CDH22: variants seen among roughly 807,000 people sequenced by gnomAD.
CDH22 encodes the protein cadherin 22.
In CDH22, 30 loss-of-function variants were observed where a neutral mutation model predicts 58.4. The observed-to-expected ratio is 0.51, with a 90% confidence interval of 0.38 to 0.70. CDH22 has a LOEUF of 0.70. Ranked by LOEUF, CDH22 falls within the 30% of genes least tolerant of loss-of-function variation. CDH22 has a pLI of 0.00. For synonymous variants in CDH22, 513 were observed against 558.2 expected (o/e 0.92, Z 1.14); for missense variants, 1,014 against 1,233.9 (o/e 0.82, Z 2.67).
chr20:46,236,866 C>T (rs1012759134), intron 3 of CDH22, among the ~76,000 whole-genome samples: 3 of 151,692 alleles, frequency 2.0e-5, no homozygotes, highest in South Asian at 2.1e-4. Context: ...TAATTTTTTT[C>T]GTATTTTAGT....
intron 1 of CDH22, among the ~76,000 whole-genome samples, chr20:46,294,127 G>T (rs2145779450): frequency 6.6e-6 from 1 of 152,266 alleles, no homozygotes; most frequent in Non-Finnish European, 1.5e-5. Context: ...CCTTAAAAGG[G>T]GGCAGCTTTA....
rs1307652497 is a variant in CDH22 at position 46,178,213 on chromosome 20, G to A, written c.1664-16C>T. 1 of 1,604,222 alleles carries A rather than the reference G, an allele frequency of 6.2e-7. No homozygotes were observed. The highest frequency in any genetic ancestry group is 8.5e-7 in the Non-Finnish European group (1 of 1,172,646). On this transcript the variant is annotated splice_polypyrimidine_tract_variant and intron_variant, in intron 10 of 11. Coordinates refer to ENST00000537909, the MANE Select transcript of CDH22 (RefSeq NM_021248.3). The stretch of plus-strand genomic sequence containing the variant: ...GCGGTGTTGTCTGTTCCGGAAGAAG[G>A]GGGAGCGGTGTGACTTGGGGCCGGG...
At chr20:46,207,949 T>C (rs1490498670) in intron 7 of CDH22, among the ~76,000 whole-genome samples, 1 of 152,230 alleles carries the variant, frequency 6.6e-6, no homozygotes, top group Non-Finnish European at 1.5e-5. Flanking sequence ...CACTTAGGGC[T>C]GCCATGTAAG....
At chr20:46,214,324 C>T (rs1296548731) in intron 5 of CDH22, among the ~76,000 whole-genome samples, 2 of 152,280 alleles carry the variant, frequency 1.3e-5, no homozygotes, top group Non-Finnish European at 2.9e-5. Context: ...CTAGCTGAAG[C>T]AGGGTCTGTG....
intron 1 of CDH22, among the ~76,000 whole-genome samples, chr20:46,260,776 C>G (rs978011250): frequency 5.9e-5 from 9 of 152,240 alleles, no homozygotes; most frequent in African/African-American, 2.2e-4. Flanking sequence ...AGCTTGGTGG[C>G]TCCAGGCTCT....
rs2085719317 is a variant in CDH22 at position 46,174,440 on chromosome 20, G to T, written c.*66C>A. 1 of 1,155,956 alleles carries T rather than the reference G, an allele frequency of 8.7e-7. No individual in the cohort carries two copies. The highest frequency in any genetic ancestry group is 1.2e-6 in the Non-Finnish European group (1 of 867,476). 71.6% of individuals were successfully genotyped at this position (1,155,956 alleles called of 1,614,324 possible). A position where few individuals can be genotyped will look rare whatever the true frequency, so the allele number is the denominator to read the frequency against. ...GAAAGGGGGTCCGCGGGGGAAACGC[G>T]TTGTCCTGGGGCCCCGGCGTGTGCT... On this transcript the variant is annotated 3_prime_UTR_variant, in exon 12 of 12. Transcript: ENST00000537909. The surrounding 1 kb of genome is among the most constrained non-coding windows in gnomAD (Gnocchi z 4.4).
intron 4 of CDH22, among the ~76,000 whole-genome samples, chr20:46,219,010 C>A (rs986901857): frequency 1.3e-5 from 2 of 152,156 alleles, no homozygotes; most frequent in Non-Finnish European, 2.9e-5. Context: ...CCAACAGTCC[C>A]CAGACTCCCA....
chr20:46,209,981 C>T, intron 7 of CDH22: 1 of 281,978 alleles, frequency 3.5e-6, no homozygotes, highest in Non-Finnish European at 6.6e-6. Flanking sequence ...GTCGAGAGAT[C>T]AGGGAGCCAG....
At chr20:46,282,645 G>A (rs1158072044) in intron 1 of CDH22, among the ~76,000 whole-genome samples, 1 of 152,284 alleles carries the variant, frequency 6.6e-6, no homozygotes, top group East Asian at 1.9e-4. Flanking sequence ...TGTTTGGCAG[G>A]TGTATGAATT....
At chr20:46,194,594 G>A (rs1294822577) in intron 8 of CDH22, among the ~76,000 whole-genome samples, 1 of 152,212 alleles carries the variant, frequency 6.6e-6, no homozygotes, top group East Asian at 1.9e-4. Flanking sequence ...CCTACTGTGT[G>A]TCAGGCACAC....
chr20:46,304,379 C>T (rs2086665491), intron 1 of CDH22, among the ~76,000 whole-genome samples: 1 of 152,248 alleles, frequency 6.6e-6, no homozygotes, highest in Admixed American at 6.5e-5. Context: ...CACATTTGAT[C>T]TTCACAACCC....
At chr20:46,178,745 G>T (rs1236585157) in intron 10 of CDH22, among the ~76,000 whole-genome samples, 1 of 152,080 alleles carries the variant, frequency 6.6e-6, no homozygotes, top group African/African-American at 2.4e-5. Flanking sequence ...AGAAGGGACT[G>T]GGAACTCTGG....
intron 1 of CDH22, among the ~76,000 whole-genome samples, chr20:46,279,868 C>T (rs1467278044): frequency 2.0e-5 from 3 of 152,218 alleles, no homozygotes; most frequent in South Asian, 2.1e-4. Flanking sequence ...TCAAATTATA[C>T]GTGCAGAGAG....
chr20:46,223,657 TTTTCTTTCCTTC>T (rs1357340822), intron 4 of CDH22, among the ~76,000 whole-genome samples: 27 of 140,384 alleles, frequency 1.9e-4, no homozygotes, highest in East Asian at 1.8e-3. Flanking sequence ...TTCTCTTTCT[TTTTCTTTCCTTC>T]TTTCTTTCTT....
At chr20:46,198,046 GT>G (rs2085920726) in intron 8 of CDH22, among the ~76,000 whole-genome samples, 1 of 152,116 alleles carries the variant, frequency 6.6e-6, no homozygotes, top group African/African-American at 2.4e-5. Context: ...TTGCTTATTG[GT>G]GGCTCTGTTG....
intron 2 of CDH22, among the ~76,000 whole-genome samples, chr20:46,246,030 A>C (rs140257567): frequency 6.6e-6 from 1 of 152,284 alleles, no homozygotes; most frequent in African/African-American, 2.4e-5. Context: ...TTGATCATAA[A>C]CAACATGAAA....
intron 5 of CDH22, among the ~76,000 whole-genome samples, chr20:46,215,656 A>G (rs1429590428): frequency 6.6e-6 from 1 of 152,256 alleles, no homozygotes; most frequent in African/African-American, 2.4e-5. Flanking sequence ...ATAGTTCATG[A>G]TAAGAAAGAC....
intron 3 of CDH22, among the ~76,000 whole-genome samples, chr20:46,231,391 A>G (rs11696330): frequency 0.014 from 2,208 of 152,312 alleles, 25 homozygotes; most frequent in Non-Finnish European, 0.024. Context: ...TCCCTGACCA[A>G]TTAAATAGGA....
intron 4 of CDH22, among the ~76,000 whole-genome samples, chr20:46,226,584 C>T (rs567978809): frequency 6.6e-6 from 1 of 152,220 alleles, no homozygotes; most frequent in South Asian, 2.1e-4. Flanking sequence ...CACCCGCAGA[C>T]ACTTTCTTAT....
Sources: gnomAD v4.1 joint callset for allele counts (sites outside exome capture counted in the v4.1 genomes callset) on GRCh38, gnomAD v4.1.1 for gene constraint, Gnocchi (gnomAD v3.1) non-coding constraint, MANE v1.5 for transcripts, NCBI Gene and HGNC (gene_info 2026-07-23, HGNC 2026-07-21) for gene names.